Variants in SNX31 observed in about 807,000 individuals in gnomAD.
SNX31 encodes sorting nexin 31.
Under a neutral mutation model 65.4 loss-of-function variants are expected in SNX31, and 58 were observed. The observed-to-expected ratio is 0.89, with a 90% CI of 0.72 to 1.10. The LOEUF (loss-of-function observed/expected upper bound fraction) is 1.10. Among genes scored for constraint, SNX31 ranks in the 50% least tolerant of loss-of-function variants. SNX31 has a pLI of 0.00. For missense variants in SNX31, 523 were observed against 529.7 expected (o/e 0.99, Z 0.12); for synonymous variants, 181 against 190.1 (o/e 0.95, Z 0.39).
Position 100,577,000 on chromosome 8 carries a change from C to T in SNX31, c.1227+19G>A. ...TATCAAAATTATAATGTACCAATTA[C>T]ATAATTTTACTCACAGACCTGGCTT... On this transcript the variant is annotated intron_variant, in intron 13 of 13. Transcript: ENST00000311812. The surrounding 1 kb of genome is among the most constrained non-coding windows in gnomAD (Gnocchi z 4.8). 4.4e-6 allele frequency: 7 copies of T among 1,597,920 alleles called. No individual in the cohort carries two copies. Among genetic ancestry groups the T allele is most frequent in the Non-Finnish European group, 6.0e-6 (7 of 1,167,678 alleles).
Position 100,578,063 on chromosome 8 carries a change from C to A in SNX31, c.1171-988G>T, listed in dbSNP as rs971178907. 2.0e-5 allele frequency among the ~76,000 whole-genome samples: 3 copies of A among 151,732 alleles called. No individual in the cohort carries two copies. The highest frequency in any genetic ancestry group is 2.9e-5 in the Non-Finnish European group (2 of 68,052). ...AAGTTTATGAATTTGCATTAGGCCA[C>A]ATTCAGACATGTCCTGGGCTGCATG... is the stretch of plus-strand genomic sequence containing the variant. On this transcript the variant is annotated intron_variant, in intron 12 of 13. Transcript: ENST00000311812. This position sits in a 1 kb window ranked among gnomAD's most constrained non-coding sequence, Gnocchi z 4.7.
chr8:100,662,204 C>G (rs10955237), intron 1 of SNX31, among the ~76,000 whole-genome samples: 51,930 of 152,008 alleles, frequency 0.34, 9,562 homozygotes, highest in African/African-American at 0.48. Flanking sequence ...CTGAAAAACT[C>G]CATGATTGAG....
At chr8:100,643,433 T>G (rs1024921698) in intron 2 of SNX31, among the ~76,000 whole-genome samples, 2 of 152,060 alleles carry the variant, frequency 1.3e-5, no homozygotes, top group African/African-American at 4.8e-5. Context: ...GTCGACTCAT[T>G]CTTCCCACCT....
chr8:100,658,279 A>G lies in SNX31; in HGVS notation c.-58+4863T>C, dbSNP rs557433156. 3.3e-5 allele frequency among the ~76,000 whole-genome samples: 5 copies of G among 152,272 alleles called. No individual in the cohort carries two copies. The South Asian group carries it at 1.0e-3, about 32-fold the overall frequency. On this transcript the variant is annotated intron_variant, in intron 1 of 5. Coordinates refer to the SNX31 transcript ENST00000520352. ...GGAGATGGAGGCTACTGTTGGAAAA[A>G]TGCCTCCCTGGGAAGCTACGTTAGA...
chr8:100,658,931 A>T (rs1809718796), intron 1 of SNX31, among the ~76,000 whole-genome samples: 1 of 152,220 alleles, frequency 6.6e-6, no homozygotes, highest in Non-Finnish European at 1.5e-5. Flanking sequence ...ATTTGAATAC[A>T]GTTGTTTCCA....
chr8:100,646,140 AGGC>A (rs149104954), intron 2 of SNX31, among the ~76,000 whole-genome samples: 1,609 of 152,282 alleles, frequency 0.011, 33 homozygotes, highest in African/African-American at 0.037. Context: ...ACCTGACAAA[AGGC>A]AGATTCATAG....
At chr8:100,641,573 T>A (rs1426087466) in intron 2 of SNX31, among the ~76,000 whole-genome samples, 268 of 34,652 alleles carry the variant, frequency 7.7e-3, no homozygotes, top group African/African-American at 0.028. Context: ...AAAATATATA[T>A]ATATATATAT....
rs113624294 is a variant in SNX31 at position 100,634,742 on chromosome 8, CTG to C, written c.256+1153_256+1154del. On this transcript the variant is annotated intron_variant, in intron 3 of 13. Transcript: ENST00000311812. ...CCAGCCTGGGCGACAGAGCGAGACT[CTG>C]TCTCTCTGTCTTAAAAAAAAAAAAT... Among the ~76,000 whole-genome samples the C allele has an allele frequency of 3.2e-3, 447 of 138,028 alleles. 3 individuals are homozygous for C. Among genetic ancestry groups the C allele is most frequent in the African/African-American group, 0.012 (428 of 35,702 alleles). 90.6% of individuals were successfully genotyped at this position (138,028 alleles called of 152,430 possible).
At chr8:100,615,112 T>A (rs572210674) in intron 5 of SNX31, among the ~76,000 whole-genome samples, 5 of 152,348 alleles carry the variant, frequency 3.3e-5, no homozygotes, top group South Asian at 2.1e-4. Context: ...TTATGGAAAC[T>A]ACCACTTCTA....
chr8:100,637,315 GA>G (rs1818848439), intron 2 of SNX31, among the ~76,000 whole-genome samples: 1 of 152,190 alleles, frequency 6.6e-6, no homozygotes, highest in Non-Finnish European at 1.5e-5. Context: ...AAACCACTCA[GA>G]AACCCAATCA....
At chr8:100,635,788 A>G in intron 3 of SNX31, 109 bp downstream of exon 3, 1 of 690,766 alleles carries the variant, frequency 1.4e-6, no homozygotes, top group Non-Finnish European at 2.4e-6. Flanking sequence ...CGCACAATTA[A>G]TTACATAAAT....
chr8:100,582,411 AG>A, intron 12 of SNX31: 1 of 152,234 alleles, frequency 6.6e-6, no homozygotes, highest in East Asian at 1.9e-4. Flanking sequence ...CCTGCCTGAG[AG>A]GTTGGATTTT....
chr8:100,605,867 C>T (rs1200423352), intron 8 of SNX31, among the ~76,000 whole-genome samples: 2 of 152,122 alleles, frequency 1.3e-5, no homozygotes, highest in Non-Finnish European at 2.9e-5. Flanking sequence ...TGATATTTCC[C>T]ACAGGAACGA....
chr8:100,573,231 T>C lies in SNX31; in HGVS notation c.*634A>G, dbSNP rs932856339. 1 of 149,032 alleles carries C rather than the reference T, an allele frequency of 6.7e-6. No individual in the cohort carries two copies. Among genetic ancestry groups the C allele is most frequent in the Non-Finnish European group, 1.5e-5 (1 of 68,006 alleles). 9.2% of individuals were successfully genotyped at this position (149,032 alleles called of 1,614,324 possible). On this transcript the variant is annotated 3_prime_UTR_variant, in exon 14 of 14. Coordinates refer to ENST00000311812, the MANE Select transcript of SNX31 (RefSeq NM_152628.4). Reference sequence around the variant, plus strand: ...TAAGGACAGAATAAAATTATAACAATGGTCAAGCAGAGAACAGGGCAGCGT... The same window carrying C: ...TAAGGACAGAATAAAATTATAACAACGGTCAAGCAGAGAACAGGGCAGCGT...
intron 4 of SNX31, among the ~76,000 whole-genome samples, chr8:100,621,921 G>C (rs113965595): frequency 6.6e-6 from 1 of 152,208 alleles, no homozygotes; most frequent in Admixed American, 6.5e-5. Flanking sequence ...CTTCAGCTGG[G>C]GCTGCTAATC....
chr8:100,658,622 G>T (rs2131315723), intron 1 of SNX31, among the ~76,000 whole-genome samples: 1 of 152,318 alleles, frequency 6.6e-6, no homozygotes, highest in Admixed American at 6.5e-5. Context: ...AGGAAACTGA[G>T]ATCAGAGAGG....
Position 100,573,742 on chromosome 8 carries a change from T to C in SNX31, c.*123A>G, listed in dbSNP as rs763040079. 3 of 585,996 alleles carry C rather than the reference T, an allele frequency of 5.1e-6. No individual in the cohort carries two copies. The highest frequency in any genetic ancestry group is 8.9e-6 in the Non-Finnish European group (3 of 337,108). The allele number at this position is 585,996 out of a possible 1,614,324, so 36.3% of individuals were successfully genotyped here. Reference sequence around the variant, plus strand: ...CCTTGATGAATACAGTCCATGTTAATGCCAAAAAAATGGGAAGAGGTCAAA... The same window carrying C: ...CCTTGATGAATACAGTCCATGTTAACGCCAAAAAAATGGGAAGAGGTCAAA... On this transcript the variant is annotated 3_prime_UTR_variant, in exon 14 of 14. Coordinates refer to ENST00000311812, the MANE Select transcript of SNX31 (RefSeq NM_152628.4).
chr8:100,591,852 A>G (rs1814617892), intron 10 of SNX31, among the ~76,000 whole-genome samples: 1 of 152,148 alleles, frequency 6.6e-6, no homozygotes, highest in South Asian at 2.1e-4. Flanking sequence ...TAAAAATAAA[A>G]CCAATCCTAA....
rs543337954 is a variant in SNX31 at position 100,575,635 on chromosome 8, C to G, written c.1227+1384G>C. ...GGGCGTGTTAAAGAGATTGCTGCGGCCTTCCCCCAGAGCTGCTGATCCAGT... is the reference window on the plus strand; with the variant it reads ...GGGCGTGTTAAAGAGATTGCTGCGGGCTTCCCCCAGAGCTGCTGATCCAGT... On this transcript the variant is annotated intron_variant, in intron 13 of 13. Coordinates refer to ENST00000311812, the MANE Select transcript of SNX31 (RefSeq NM_152628.4). The surrounding 1 kb of genome is among the most constrained non-coding windows in gnomAD (Gnocchi z 5.1). 3.9e-5 allele frequency among the ~76,000 whole-genome samples: 6 copies of G among 152,192 alleles called. No homozygotes were observed. The highest frequency in any genetic ancestry group is 7.3e-5 in the Non-Finnish European group (5 of 68,042).
Sources: gnomAD v4.1 joint callset for allele counts (sites outside exome capture counted in the v4.1 genomes callset) on GRCh38, gnomAD v4.1.1 for gene constraint, Gnocchi (gnomAD v3.1) non-coding constraint, MANE v1.5 for transcripts, NCBI Gene and HGNC (gene_info 2026-07-23, HGNC 2026-07-21) for gene names.